The following CGB2 variants were observed in gnomAD, a reference collection of about 807,000 sequenced individuals.
The protein encoded by CGB2 is chorionic gonadotropin subunit beta 2, also known as choriogonadotropin subunit beta variant 2.
CGB2 carries 4 observed loss-of-function variants against 7.1 expected under a neutral mutation model. The ratio of observed to expected loss-of-function variants is 0.57; its 90% CI spans 0.28 to 1.29. CGB2 has a LOEUF of 1.29. Ranked by LOEUF, CGB2 falls within the 50% of genes most tolerant of loss-of-function variation. CGB2 has a pLI of 0.10. For synonymous variants in CGB2, 51 were observed against 100.3 expected (o/e 0.51, Z 2.94); for missense variants, 88 against 224.0 (o/e 0.39, Z 3.88).
At chr19:49,032,142 G>C in intron 1 of CGB2, 38 bp downstream of exon 1, 1 of 1,613,964 alleles carries the variant, frequency 6.2e-7, no homozygotes, top group Non-Finnish European at 8.5e-7. Context: ...CAAAGATGGA[G>C]ATGTTCCAGG....
chr19:49,032,388 T>A, intron 1 of CGB2, 116 bp from the exon 2 acceptor site: 1 of 1,600,118 alleles, frequency 6.2e-7, no homozygotes, highest in Non-Finnish European at 8.5e-7. Context: ...GGGTCCTGAA[T>A]AGGAGATGCC....
chr19:49,032,150 A>C (rs758772094), intron 1 of CGB2, 46 bp downstream of exon 1: 2 of 1,613,958 alleles, frequency 1.2e-6, no homozygotes, highest in East Asian at 4.5e-5. Flanking sequence ...GAGATGTTCC[A>C]GGAAAGACTG....
At position 49,032,030 on chromosome 19, in the gene CGB2, G is replaced by A. The variant is rs144946613; in HGVS notation, c.-66G>A. On this transcript the variant is annotated 5_prime_UTR_variant, in exon 1 of 3. Coordinates refer to ENST00000359342, the MANE Select transcript of CGB2 (RefSeq NM_033378.2). Reference sequence around the variant, plus strand: ...ACTCCCTGTCTCACTCCCCCACGGAGACTCAATTTACTTTCCATGTCCACA... The same window carrying A: ...ACTCCCTGTCTCACTCCCCCACGGAAACTCAATTTACTTTCCATGTCCACA... The A allele has an allele frequency of 4.3e-6, 7 of 1,610,002 alleles. No homozygotes were observed. The highest frequency in any genetic ancestry group is 4.3e-6 in the Non-Finnish European group (5 of 1,176,428).
Position 49,031,983 on chromosome 19 carries a change from C to A in CGB2, c.-113C>A, listed in dbSNP as rs371513652. The stretch of plus-strand genomic sequence containing the variant: ...GGTCCGCTGACTCCGGCCGGGTTCC[C>A]GTGCCGCGTCCAACACCCCTCACTC... On this transcript the variant is annotated 5_prime_UTR_variant, in exon 1 of 3. Transcript: ENST00000359342. 4 of 1,485,070 alleles carry A rather than the reference C, an allele frequency of 2.7e-6. No homozygotes were observed. The highest frequency in any genetic ancestry group is 3.8e-6 in the Non-Finnish European group (4 of 1,064,498). The allele number at this position is 1,485,070 out of a possible 1,614,324, so 92.0% of individuals were successfully genotyped here.
chr19:49,032,299 G>A, intron 1 of CGB2, 195 bp downstream of exon 1: 1 of 1,582,908 alleles, frequency 6.3e-7, no homozygotes. Context: ...AGTTCCTGAG[G>A]GTGGGGATCT....
chr19:49,031,930 A>C lies in CGB2; in HGVS notation c.-166A>C. Reference sequence around the variant, plus strand: ...GCGCCCCCTGGAGGGAGGAAGGGGAACTGTATCTGAGAGAGAGCAGCCAAT... The same window carrying C: ...GCGCCCCCTGGAGGGAGGAAGGGGACCTGTATCTGAGAGAGAGCAGCCAAT... On this transcript the variant is annotated 5_prime_UTR_variant, in exon 1 of 3. Transcript: ENST00000359342. The C allele has an allele frequency of 5.9e-6, 5 of 846,176 alleles. No homozygotes were observed. The highest frequency in any genetic ancestry group is 9.6e-6 in the Non-Finnish European group (5 of 520,600). The allele number at this position is 846,176 out of a possible 1,614,324, so 52.4% of individuals were successfully genotyped here.
rs373835095 is a variant in CGB2, at chr19:49,031,947, G to C, written c.-149G>C. 7.4e-5 allele frequency: 77 copies of C among 1,036,150 alleles called. 1 individual carries two copies. In the South Asian group the frequency reaches 1.0e-3, roughly 14 times the overall value. 64.2% of individuals were successfully genotyped at this position (1,036,150 alleles called of 1,614,324 possible). On this transcript the variant is annotated 5_prime_UTR_variant, in exon 1 of 3. Transcript: ENST00000359342. ...GAAGGGGAACTGTATCTGAGAGAGA[G>C]CAGCCAATTGGGTCCGCTGACTCCG... is the stretch of plus-strand genomic sequence containing the variant.
chr19:49,032,321 G>T (rs928486091), intron 1 of CGB2, 183 bp from the exon 2 acceptor site: 31 of 1,574,522 alleles, frequency 2.0e-5, no homozygotes, highest in Middle Eastern at 2.1e-4. Flanking sequence ...AAATGTTGGG[G>T]TATCTGAGAT....
rs1342397130 is a variant in CGB2, at chr19:49,031,909, C to T, written c.-187C>T. Reference sequence around the variant, plus strand: ...GTGAGGGCCCTGCGTTCCGTGGCGCCCCCTGGAGGGAGGAAGGGGAACTGT... The same window carrying T: ...GTGAGGGCCCTGCGTTCCGTGGCGCTCCCTGGAGGGAGGAAGGGGAACTGT... On this transcript the variant is annotated 5_prime_UTR_variant, in exon 1 of 3. Coordinates refer to ENST00000359342, the MANE Select transcript of CGB2 (RefSeq NM_033378.2). The T allele has an allele frequency of 4.6e-5, 34 of 742,002 alleles. No individual in the cohort carries two copies. The highest frequency in any genetic ancestry group is 7.5e-5 in the Non-Finnish European group (33 of 437,724). The allele number at this position is 742,002 out of a possible 1,614,324, so 46.0% of individuals were successfully genotyped here.
chr19:49,032,436 G>C, intron 1 of CGB2, 68 bp from the exon 2 acceptor site: 1 of 1,592,408 alleles, frequency 6.3e-7, no homozygotes, highest in African/African-American at 1.3e-5. Context: ...GGTGTACCAC[G>C]CGGGATGGGA....
rs759465267 is a variant in CGB2 at position 49,033,151 on chromosome 19, C to A, written c.422C>A (p.Ala141Asp). 3.7e-6 allele frequency: 6 copies of A among 1,610,444 alleles called. No individual in the cohort carries two copies. The highest frequency in any genetic ancestry group is 4.2e-6 in the Non-Finnish European group (5 of 1,179,722). ...PRFQASSSSK[A>D]PPPSLPSPSR... The stretch of plus-strand genomic sequence containing the variant: ...TTCCAGGCCTCCTCTTCCTCAAAGG[C>A]CCCTCCCCCCAGCCTTCCAAGCCCA... The change falls in exon 3 of 3, where the codon GCC becomes GAC. Residue 141 changes from alanine to aspartate, a missense_variant. Coordinates refer to ENST00000359342, the MANE Select transcript of CGB2 (RefSeq NM_033378.2).
rs2039765997 is a variant in CGB2, at chr19:49,033,179, C to G, written c.450C>G (p.Ser150=). The change falls in exon 3 of 3, where the codon TCC becomes TCG. Residue 150 remains serine (S), a synonymous_variant. Coordinates refer to ENST00000359342, the MANE Select transcript of CGB2 (RefSeq NM_033378.2). Reference sequence around the variant, plus strand: ...CTCCCCCCAGCCTTCCAAGCCCATCCCGACTCCCGGGGCCCTCAGACACCC... The same window carrying G: ...CTCCCCCCAGCCTTCCAAGCCCATCGCGACTCCCGGGGCCCTCAGACACCC... ...KAPPPSLPSP[S]RLPGPSDTPI... The G allele has an allele frequency of 1.2e-6, 2 of 1,611,482 alleles. No homozygotes were observed. Among genetic ancestry groups the G allele is most frequent in the Non-Finnish European group, 1.7e-6 (2 of 1,179,886 alleles).
chr19:49,032,305 G>A, intron 1 of CGB2, 199 bp from the exon 2 acceptor site: 1 of 1,578,210 alleles, frequency 6.3e-7, no homozygotes, highest in African/African-American at 1.3e-5. Flanking sequence ...TGAGGGTGGG[G>A]ATCTAAAATG....
In CGB2 at chr19:49,032,271, G is replaced by A; in HGVS notation, c.9+167G>A. 10 of 1,599,926 alleles carry A rather than the reference G, an allele frequency of 6.3e-6. No individual in the cohort carries two copies. The South Asian group carries it at 7.8e-5, about 13-fold the overall frequency. On this transcript the variant is annotated intron_variant, in intron 1 of 2. Coordinates refer to ENST00000359342, the MANE Select transcript of CGB2 (RefSeq NM_033378.2). ...TCTTTCTGGAGGAGCGTGACCCCCAGTAAGCTTCAGGTGGGGCAGTTCCTG... is the reference window on the plus strand; with the variant it reads ...TCTTTCTGGAGGAGCGTGACCCCCAATAAGCTTCAGGTGGGGCAGTTCCTG...
At chr19:49,032,383 C>T (rs2122132305) in intron 1 of CGB2, 121 bp from the exon 2 acceptor site, 2 of 1,599,014 alleles carry the variant, frequency 1.3e-6, no homozygotes, top group Middle Eastern at 4.5e-4. Context: ...GTGGTGGGTC[C>T]TGAATAGGAG....
chr19:49,032,261 G>C (rs760347520), intron 1 of CGB2, 157 bp downstream of exon 1: 1 of 1,603,400 alleles, frequency 6.2e-7, no homozygotes, highest in African/African-American at 1.3e-5. Context: ...CTGGAGGAGC[G>C]TGACCCCCAG....
In CGB2 at chr19:49,031,890, G is replaced by C; in HGVS notation, c.-206G>C. ...CACCCAGTCCCCAGGGCCAGTGAGGGCCCTGCGTTCCGTGGCGCCCCCTGG... is the reference window on the plus strand; with the variant it reads ...CACCCAGTCCCCAGGGCCAGTGAGGCCCCTGCGTTCCGTGGCGCCCCCTGG... On this transcript the variant is annotated 5_prime_UTR_variant, in exon 1 of 3. Transcript: ENST00000359342. 1 of 634,106 alleles carries C rather than the reference G, an allele frequency of 1.6e-6. No homozygotes were observed. The highest frequency in any genetic ancestry group is 1.8e-5 in the South Asian group (1 of 55,690). 39.3% of individuals were successfully genotyped at this position (634,106 alleles called of 1,614,324 possible).
intron 1 of CGB2, 95 bp from the exon 2 acceptor site, chr19:49,032,409 T>A: frequency 6.3e-7 from 1 of 1,598,466 alleles, no homozygotes; most frequent in Non-Finnish European, 8.5e-7. Context: ...ACGAAGGGTC[T>A]CTGGGTCTTT....
intron 1 of CGB2, 88 bp from the exon 2 acceptor site, chr19:49,032,416 C>CT (rs1333713558): frequency 6.3e-7 from 1 of 1,597,104 alleles, no homozygotes; most frequent in Non-Finnish European, 8.5e-7. Flanking sequence ...GTCTCTGGGT[C>CT]TTTGTGGGTG....
Sources: gnomAD v4.1 joint callset for allele counts on GRCh38, gnomAD v4.1.1 for gene constraint, MANE v1.5 for transcripts, NCBI Gene and HGNC (gene_info 2026-07-23, HGNC 2026-07-21) for gene names.